ATP8B4: variants seen among roughly 807,000 people sequenced by gnomAD.
ATP8B4 encodes probable phospholipid-transporting ATPase IM.
Under a neutral mutation model 145.6 loss-of-function variants are expected in ATP8B4, and 133 were observed. The ratio of observed to expected loss-of-function variants is 0.91; its 90% CI spans 0.79 to 1.05. The LOEUF is 1.05. Among genes scored for constraint, ATP8B4 ranks in the 50% least tolerant of loss-of-function variants. The pLI is 0.00. For missense variants in ATP8B4, 1,458 were observed against 1,425.2 expected (o/e 1.02, Z -0.37); for synonymous variants, 507 against 492.9 (o/e 1.03, Z -0.38).
At chr15:49,912,748 G>T (rs1403577680) in intron 20 of ATP8B4, among the ~76,000 whole-genome samples, 3 of 152,052 alleles carry the variant, frequency 2.0e-5, no homozygotes, top group Non-Finnish European at 4.4e-5. Flanking sequence ...TATCTCTGAT[G>T]AACATAGACA....
intron 1 of ATP8B4, among the ~76,000 whole-genome samples, chr15:50,172,300 G>A (rs538798122): frequency 3.3e-5 from 5 of 152,312 alleles, no homozygotes; most frequent in South Asian, 4.1e-4. Context: ...GCGCCGCCAC[G>A]CCTGACTGGT....
intron 3 of ATP8B4, among the ~76,000 whole-genome samples, chr15:50,049,119 A>G (rs941925629): frequency 1.3e-5 from 2 of 152,192 alleles, no homozygotes; most frequent in Admixed American, 1.3e-4. Flanking sequence ...TTTGGGGTGT[A>G]CCCATTTTTC....
At chr15:49,920,900 A>C (rs1161098185) in intron 17 of ATP8B4, among the ~76,000 whole-genome samples, 1 of 152,170 alleles carries the variant, frequency 6.6e-6, no homozygotes, top group Admixed American at 6.5e-5. Context: ...ACATGACATC[A>C]CACCCAAGTC....
chr15:49,932,829 T>C (rs2041384756), intron 15 of ATP8B4, among the ~76,000 whole-genome samples: 1 of 151,952 alleles, frequency 6.6e-6, no homozygotes, highest in African/African-American at 2.4e-5. Flanking sequence ...ACTCTCAATA[T>C]AAGGGTAAAC....
chr15:50,095,235 T>C (rs1419229231), intron 2 of ATP8B4, among the ~76,000 whole-genome samples: 3 of 152,002 alleles, frequency 2.0e-5, no homozygotes, highest in Non-Finnish European at 4.4e-5. Context: ...ATGTCATATA[T>C]TAGAGGAAAT....
chr15:49,970,660 T>C (rs543867869), intron 13 of ATP8B4, among the ~76,000 whole-genome samples: 4 of 152,318 alleles, frequency 2.6e-5, no homozygotes, highest in Non-Finnish European at 4.4e-5. Context: ...TGCTCATGGA[T>C]AGGAAGAATC....
At chr15:49,892,239 T>C (rs2036907198) in intron 23 of ATP8B4, among the ~76,000 whole-genome samples, 1 of 152,166 alleles carries the variant, frequency 6.6e-6, no homozygotes, top group Admixed American at 6.5e-5. Flanking sequence ...AGAACTTTCT[T>C]AAAGTGTGAC....
intron 14 of ATP8B4, among the ~76,000 whole-genome samples, chr15:49,950,799 T>C (rs1046034619): frequency 6.6e-6 from 1 of 152,078 alleles, no homozygotes; most frequent in Non-Finnish European, 1.5e-5. Context: ...GTTAGGGTGT[T>C]GATTTGAGAA....
intron 1 of ATP8B4, among the ~76,000 whole-genome samples, chr15:50,128,961 A>G (rs2057325765): frequency 6.6e-6 from 1 of 152,178 alleles, no homozygotes; most frequent in South Asian, 2.1e-4. Context: ...TCAGCTACTC[A>G]GGAGGCTGAG....
At chr15:49,913,285 TATCTC>T (rs369986278) in intron 20 of ATP8B4, among the ~76,000 whole-genome samples, 104 of 152,256 alleles carry the variant, frequency 6.8e-4, no homozygotes, top group African/African-American at 2.4e-3. Context: ...ACCATATAGT[TATCTC>T]AATCGATGCA....
chr15:49,926,592 C>A (rs1599187448), intron 16 of ATP8B4, among the ~76,000 whole-genome samples: 1 of 152,228 alleles, frequency 6.6e-6, no homozygotes, highest in East Asian at 1.9e-4. Flanking sequence ...TTAACAGCTG[C>A]ACTATCCAGT....
chr15:49,996,896 A>C, intron 8 of ATP8B4, 137 bp from the exon 9 acceptor site: 2 of 615,708 alleles, frequency 3.2e-6, no homozygotes, highest in Non-Finnish European at 5.7e-6. Context: ...TGTCATTCAC[A>C]CTTCGCTCAC....
intron 16 of ATP8B4, among the ~76,000 whole-genome samples, chr15:49,928,217 G>A (rs941664800): frequency 2.0e-5 from 3 of 152,146 alleles, no homozygotes; most frequent in African/African-American, 7.2e-5. Flanking sequence ...CCACACTGGT[G>A]TTATGAACAA....
intron 26 of ATP8B4, among the ~76,000 whole-genome samples, chr15:49,864,753 A>G (rs2032487157): frequency 6.6e-6 from 1 of 152,238 alleles, no homozygotes; most frequent in Non-Finnish European, 1.5e-5. Flanking sequence ...TGCATGAATA[A>G]TAATAATCAC....
intron 3 of ATP8B4, among the ~76,000 whole-genome samples, chr15:50,073,258 CT>C (rs1399207817): frequency 6.6e-6 from 1 of 151,710 alleles, no homozygotes; most frequent in African/African-American, 2.4e-5. Context: ...CTGACAGGCT[CT>C]GCTGTGTGAT....
rs33997597 is a variant in ATP8B4 at position 50,061,190 on chromosome 15, T to TAA, written c.87+12935_87+12936dup. On this transcript the variant is annotated intron_variant, in intron 3 of 27. Transcript: ENST00000284509. The stretch of plus-strand genomic sequence containing the variant: ...AATCCTTTAAGAGAAGTATATTGGA[T>TAA]AAAAAAAAAATCAGTGAAAAATCAG... 5.4e-3 allele frequency among the ~76,000 whole-genome samples: 807 copies of TAA among 150,140 alleles called. 3 individuals carry two copies. The highest frequency in any genetic ancestry group is 6.0e-3 in the Non-Finnish European group (407 of 67,434).
chr15:49,860,884 A>G (rs929848701), intron 27 of ATP8B4, among the ~76,000 whole-genome samples: 8 of 152,192 alleles, frequency 5.3e-5, no homozygotes, highest in African/African-American at 1.9e-4. Context: ...CAGTAACTGG[A>G]CTAGAAGAAA....
At chr15:49,889,039 T>C (rs1482712955) in intron 23 of ATP8B4, among the ~76,000 whole-genome samples, 1 of 152,138 alleles carries the variant, frequency 6.6e-6, no homozygotes, top group African/African-American at 2.4e-5. Flanking sequence ...TGAGTGTTTC[T>C]GGATATTTCT....
chr15:49,880,238 G>A (rs1043327264), intron 23 of ATP8B4: 1 of 152,216 alleles, frequency 6.6e-6, no homozygotes, highest in East Asian at 1.9e-4. Flanking sequence ...TAATACAGCA[G>A]ATTGAAGAAA....
Sources: allele counts gnomAD v4.1 joint callset (sites outside exome capture counted in the v4.1 genomes callset), GRCh38; gene constraint gnomAD v4.1.1; transcripts MANE v1.5; gene names NCBI Gene and HGNC (gene_info 2026-07-23, HGNC 2026-07-21).